ABCA13: variants seen among roughly 807,000 people sequenced by gnomAD.
The protein encoded by ABCA13 is ATP-binding cassette sub-family A member 13.
In ABCA13, 476 loss-of-function variants were observed where a neutral mutation model predicts 478.7. The ratio of observed to expected loss-of-function variants is 0.99; its 90% CI spans 0.92 to 1.07. ABCA13 has a LOEUF of 1.07. Ranked by LOEUF, ABCA13 falls within the 50% of genes least tolerant of loss-of-function variation. The pLI, the probability that ABCA13 is intolerant of heterozygous loss-of-function variation, is 0.00. For missense variants in ABCA13, 6,060 were observed against 5,910.6 expected (o/e 1.03, Z -0.83); for synonymous variants, 2,252 against 2,158.9 (o/e 1.04, Z -1.20).
At chr7:48,224,425 C>T (rs1346573247) in intron 5 of ABCA13, among the ~76,000 whole-genome samples, 1 of 152,154 alleles carries the variant, frequency 6.6e-6, no homozygotes, top group Non-Finnish European at 1.5e-5. Flanking sequence ...ACCTTTGTTC[C>T]TGAGAGGCTT....
intron 39 of ABCA13, 94 bp from the exon 40 acceptor site, chr7:48,410,426 T>C: frequency 6.8e-7 from 1 of 1,471,990 alleles, no homozygotes. Flanking sequence ...GATCTTTAAA[T>C]TGTGCCCTGG....
intron 59 of ABCA13, among the ~76,000 whole-genome samples, chr7:48,639,609 G>A (rs1478397223): frequency 6.6e-6 from 1 of 152,204 alleles, no homozygotes; most frequent in African/African-American, 2.4e-5. Flanking sequence ...TCAGATATGT[G>A]TAGGGAATAG....
At chr7:48,397,882 A>G (rs1481127459) in intron 38 of ABCA13, among the ~76,000 whole-genome samples, 1 of 152,200 alleles carries the variant, frequency 6.6e-6, no homozygotes, top group East Asian at 1.9e-4. Context: ...TATACATTTT[A>G]TTTAAATCAT....
At position 48,360,243 on chromosome 7, in the gene ABCA13, G is replaced by A. The variant is rs867852147; in HGVS notation, c.10689-7551G>A. Among the ~76,000 whole-genome samples the A allele has an allele frequency of 1.2e-3, 168 of 140,244 alleles. 2 individuals are homozygous for A. Among genetic ancestry groups the A allele is most frequent in the African/African-American group, 4.5e-3 (167 of 36,954 alleles). 92.0% of individuals were successfully genotyped at this position (140,244 alleles called of 152,430 possible). A position where few individuals can be genotyped will look rare whatever the true frequency, so the allele number is the denominator to read the frequency against. Reference sequence around the variant, plus strand: ...TGTGATGTCCCCACTCTGTGTCCAAGTGTTCTCATTGTTCAGTTCCCACCT... The same window carrying A: ...TGTGATGTCCCCACTCTGTGTCCAAATGTTCTCATTGTTCAGTTCCCACCT... On this transcript the variant is annotated intron_variant, in intron 31 of 61. Transcript: ENST00000435803.
intron 40 of ABCA13, among the ~76,000 whole-genome samples, chr7:48,412,025 C>G (rs979397327): frequency 6.6e-6 from 1 of 152,176 alleles, no homozygotes; most frequent in Non-Finnish European, 1.5e-5. Flanking sequence ...CCCAGGATCT[C>G]TCTGTGACTC....
chr7:48,484,125 A>G (rs1178888489), intron 47 of ABCA13, among the ~76,000 whole-genome samples: 1 of 152,200 alleles, frequency 6.6e-6, no homozygotes, highest in Non-Finnish European at 1.5e-5. Context: ...AAAGACATGC[A>G]CATGTTGGAG....
chr7:48,376,345 T>C, intron 34 of ABCA13, 96 bp from the exon 35 acceptor site: 2 of 1,468,462 alleles, frequency 1.4e-6, no homozygotes, highest in Non-Finnish European at 1.8e-6. Context: ...TCTGTTCAAC[T>C]TCACTTGAGC....
At chr7:48,432,138 C>T (rs1489952812) in intron 42 of ABCA13, among the ~76,000 whole-genome samples, 2 of 151,960 alleles carry the variant, frequency 1.3e-5, no homozygotes, top group Non-Finnish European at 2.9e-5. Context: ...ACAAGTAATG[C>T]AGTTAAAAAA....
intron 42 of ABCA13, among the ~76,000 whole-genome samples, chr7:48,441,079 G>A (rs1018136845): frequency 6.6e-5 from 10 of 152,244 alleles, no homozygotes; most frequent in Non-Finnish European, 1.2e-4. Context: ...AATTTGATAT[G>A]AGATTGCCTA....
At chr7:48,603,471 C>T (rs1249955943) in intron 58 of ABCA13, among the ~76,000 whole-genome samples, 3 of 152,158 alleles carry the variant, frequency 2.0e-5, no homozygotes, top group Non-Finnish European at 2.9e-5. Context: ...GCTTTTTCTG[C>T]ATCTATTGAG....
At chr7:48,411,733 G>A (rs765756926) in intron 40 of ABCA13, among the ~76,000 whole-genome samples, 2 of 152,158 alleles carry the variant, frequency 1.3e-5, no homozygotes, top group African/African-American at 2.4e-5. Context: ...GGTCACATCT[G>A]TAGTCATCAT....
rs537234783 is a variant in ABCA13, at chr7:48,429,806, T to C, written c.12565+1935T>C. Reference sequence around the variant, plus strand: ...TGTTGCCAAATGCTTTCTCTGCATCTATTGAGATGATCATTTGTTTTTTGT... The same window carrying C: ...TGTTGCCAAATGCTTTCTCTGCATCCATTGAGATGATCATTTGTTTTTTGT... On this transcript the variant is annotated intron_variant, in intron 42 of 61. Coordinates refer to ENST00000435803, the MANE Select transcript of ABCA13 (RefSeq NM_152701.5). 2.0e-5 allele frequency among the ~76,000 whole-genome samples: 3 copies of C among 152,368 alleles called. No individual in the cohort carries two copies. In the East Asian group the frequency reaches 5.8e-4, roughly 29 times the overall value.
rs1563225895 is a variant in ABCA13, at chr7:48,419,993, TA to T, written c.12459+7414del. Among the ~76,000 whole-genome samples, 5 of 152,320 alleles carry T rather than the reference TA, an allele frequency of 3.3e-5. No homozygotes were observed. In the South Asian group the frequency reaches 1.0e-3, roughly 32 times the overall value. On this transcript the variant is annotated intron_variant, in intron 41 of 61. Coordinates refer to ENST00000435803, the MANE Select transcript of ABCA13 (RefSeq NM_152701.5). ...ACCTTCTTTTGTTTGGTAGAGGCTA[TA>T]AAATGTCTGTCTCAACCAATTTTGT...
chr7:48,597,428 T>A (rs1217166836), intron 58 of ABCA13, among the ~76,000 whole-genome samples: 8 of 152,254 alleles, frequency 5.3e-5, no homozygotes, highest in Non-Finnish European at 1.2e-4. Flanking sequence ...TGAACAGTCA[T>A]ATAAATGTCT....
chr7:48,391,630 C>T (rs1428334791), intron 37 of ABCA13, among the ~76,000 whole-genome samples: 1 of 152,134 alleles, frequency 6.6e-6, no homozygotes, highest in Non-Finnish European at 1.5e-5. Flanking sequence ...AGATTTTTGA[C>T]TTACAATATT....
rs1823629229 is a variant in ABCA13, at chr7:48,441,796, T to TG, written c.12566-13239dup. ...TACTGGATGTTATAGAGATGTGATT[T>TG]GGATTTCTGGGCAGTGTTGAGAGCC... On this transcript the variant is annotated intron_variant, in intron 42 of 61. Coordinates refer to ENST00000435803, the MANE Select transcript of ABCA13 (RefSeq NM_152701.5). Among the ~76,000 whole-genome samples, 3 of 152,202 alleles carry TG rather than the reference T, an allele frequency of 2.0e-5. 1 individual carries two copies. Among genetic ancestry groups the TG allele is most frequent in the South Asian group, 4.1e-4 (2 of 4,830 alleles).
rs750783198 is a variant in ABCA13 at position 48,275,753 on chromosome 7, C to T, written c.6087C>T (p.Leu2029=). 27 of 1,609,360 alleles carry T rather than the reference C, an allele frequency of 1.7e-5. 2 individuals carry two copies. In the South Asian group the frequency reaches 2.5e-4, roughly 15 times the overall value. ...THNLLSLFMM[L]QNANVTGSSL... ...ATCTACTCTCTTTATTCATGATGCT[C>T]CAGAATGCAAATGTCACAGGTAGCA... Residue 2029 remains leucine (L), a synonymous_variant, in exon 17 of 62, where the codon CTC becomes CTT. Transcript: ENST00000435803.
intron 56 of ABCA13, 130 bp from the exon 57 acceptor site, chr7:48,587,024 T>TG: frequency 8.3e-7 from 1 of 1,197,670 alleles, no homozygotes; most frequent in Non-Finnish European, 1.2e-6. Context: ...TTTCAGGAGA[T>TG]GTACTTGATT....
At chr7:48,462,988 T>C (rs1450146663) in intron 43 of ABCA13, among the ~76,000 whole-genome samples, 1 of 152,232 alleles carries the variant, frequency 6.6e-6, no homozygotes, top group Non-Finnish European at 1.5e-5. Context: ...GGATTTTTCT[T>C]ATACATCACT....
Sources: gnomAD v4.1 joint callset for allele counts (sites outside exome capture counted in the v4.1 genomes callset) on GRCh38, gnomAD v4.1.1 for gene constraint, MANE v1.5 for transcripts, NCBI Gene and HGNC (gene_info 2026-07-23, HGNC 2026-07-21) for gene names.